Variants in CNTN6 observed in about 807,000 individuals in gnomAD.
CNTN6 encodes the protein contactin-6.
In CNTN6, 137 loss-of-function variants were observed where a neutral mutation model predicts 122.8. That is an observed-to-expected ratio of 1.12 (90% CI 0.97 to 1.29). The LOEUF is 1.29. Ranked by LOEUF, CNTN6 falls within the 50% of genes most tolerant of loss-of-function variation. CNTN6 has a pLI of 0.00. For missense variants in CNTN6, 1,634 were observed against 1,223.4 expected, an observed-to-expected ratio of 1.34 and a Z score of -5.01; for synonymous variants, 570 against 426.0, an observed-to-expected ratio of 1.34 and a Z score of -4.16.
chr3:1,286,261 A>G (rs924020448), intron 5 of CNTN6, among the ~76,000 whole-genome samples: 1 of 152,120 alleles, frequency 6.6e-6, no homozygotes, highest in Non-Finnish European at 1.5e-5. Flanking sequence ...GGTTTGTTAC[A>G]TAGGTGTACA....
At position 1,373,967 on chromosome 3, in the gene CNTN6, T is replaced by C; in HGVS notation, c.1989T>C (p.Val663=). 1 of 1,613,200 alleles carries C rather than the reference T, an allele frequency of 6.2e-7. No homozygotes were observed. The highest frequency in any genetic ancestry group is 8.5e-7 in the Non-Finnish European group (1 of 1,179,376). Residue 663 remains valine (V), a synonymous_variant, in exon 16 of 23, where the codon GTT becomes GTC. Transcript: ENST00000446702. ...LNGKTYNATV[V]GLSPWVEYEF... is the part of the protein sequence containing the mutation. ...GTAAGACATACAATGCAACAGTGGT[T>C]GGTTTGAGTCCTTGGGTGGAATATG...
rs1709445682 is a variant in CNTN6 at position 1,373,719 on chromosome 3, G to A, written c.1902G>A (p.Gln634=). 1 of 1,611,676 alleles carries A rather than the reference G, an allele frequency of 6.2e-7. No individual in the cohort carries two copies. Among genetic ancestry groups the A allele is most frequent in the South Asian group, 1.1e-5 (1 of 90,726 alleles). ...NNSPIQIFTI[Q]TRTPFSVGWQ... ...GTCCCATTCAAATATTTACTATTCA[G>A]ACTCGGACACCATTTTCTGTGGGTT... The change falls in exon 15 of 23, where the codon CAG becomes CAA. Residue 634 remains glutamine, a synonymous_variant. Transcript: ENST00000446702.
intron 1 of CNTN6, among the ~76,000 whole-genome samples, chr3:1,105,980 A>G (rs1222515073): frequency 6.6e-6 from 1 of 152,146 alleles, no homozygotes; most frequent in Non-Finnish European, 1.5e-5. Context: ...GCCCTTGGTA[A>G]CCATGATAAT....
At chr3:1,326,013 A>G in intron 9 of CNTN6, 62 bp downstream of exon 9, 22 of 1,441,466 alleles carry the variant, frequency 1.5e-5, no homozygotes, top group Non-Finnish European at 2.1e-5. Flanking sequence ...TGTTACTAAC[A>G]GTACTAGTAA....
chr3:1,286,337 T>C (rs960422112), intron 5 of CNTN6, among the ~76,000 whole-genome samples: 3 of 152,142 alleles, frequency 2.0e-5, no homozygotes, highest in Non-Finnish European at 4.4e-5. Flanking sequence ...CCTAATGCTA[T>C]CCCTCCCTTA....
At chr3:1,311,278 C>A (rs1255205322) in intron 7 of CNTN6, among the ~76,000 whole-genome samples, 1 of 141,684 alleles carries the variant, frequency 7.1e-6, no homozygotes, top group South Asian at 2.2e-4. Flanking sequence ...TATATACATA[C>A]ATATTTATAT....
intron 2 of CNTN6, among the ~76,000 whole-genome samples, chr3:1,175,456 C>G (rs561439508): frequency 1.3e-5 from 2 of 152,182 alleles, no homozygotes; most frequent in African/African-American, 4.8e-5. Flanking sequence ...CTACTCAAGG[C>G]TAACAGCAGG....
intron 12 of CNTN6, among the ~76,000 whole-genome samples, chr3:1,366,636 T>C (rs1436942339): frequency 2.4e-4 from 37 of 152,158 alleles, no homozygotes; most frequent in Non-Finnish European, 2.9e-5. Flanking sequence ...CCTGCAAGTG[T>C]GATTTTTGTC....
intron 5 of CNTN6, among the ~76,000 whole-genome samples, chr3:1,281,437 A>G (rs1377262257): frequency 2.0e-5 from 3 of 151,478 alleles, no homozygotes; most frequent in Admixed American, 2.0e-4. Flanking sequence ...CACAGACTCC[A>G]CAGAGATAGA....
intron 20 of CNTN6, among the ~76,000 whole-genome samples, chr3:1,391,663 C>G (rs1436446787): frequency 4.0e-5 from 6 of 151,264 alleles, no homozygotes; most frequent in African/African-American, 1.2e-4. Context: ...ACCCCATTGT[C>G]TCAGCCCAAA....
chr3:1,134,688 T>C (rs2092427512), intron 1 of CNTN6, among the ~76,000 whole-genome samples: 1 of 141,102 alleles, frequency 7.1e-6, no homozygotes, highest in African/African-American at 3.0e-5. Context: ...TTTTTTGTTT[T>C]TTGTTTTGTT....
intron 2 of CNTN6, among the ~76,000 whole-genome samples, chr3:1,171,836 G>T (rs1394322688): frequency 6.6e-6 from 1 of 152,020 alleles, no homozygotes; most frequent in Non-Finnish European, 1.5e-5. Context: ...TGAACTCCTG[G>T]GTTCAAGCCA....
chr3:1,094,476 A>T (rs1417431476), intron 1 of CNTN6, among the ~76,000 whole-genome samples: 1 of 152,204 alleles, frequency 6.6e-6, no homozygotes, highest in African/African-American at 2.4e-5. Flanking sequence ...GGAAACTTTT[A>T]TATAAAGCTT....
chr3:1,148,324 T>C (rs2092766440), intron 2 of CNTN6, among the ~76,000 whole-genome samples: 1 of 151,902 alleles, frequency 6.6e-6, no homozygotes, highest in Non-Finnish European at 1.5e-5. Flanking sequence ...TGTAATTATG[T>C]AATATTTAAT....
intron 5 of CNTN6, 43 bp from the exon 6 acceptor site, chr3:1,295,558 C>T (rs763081404): frequency 3.4e-5 from 51 of 1,503,920 alleles, no homozygotes; most frequent in Non-Finnish European, 4.4e-5. Flanking sequence ...GCAGTAAGGA[C>T]AGTATGGTTT....
At chr3:1,233,417 T>C (rs2094377666) in intron 4 of CNTN6, among the ~76,000 whole-genome samples, 1 of 130,680 alleles carries the variant, frequency 7.7e-6, no homozygotes, top group African/African-American at 2.7e-5. Flanking sequence ...CTGAATAATG[T>C]TAAGGATGTT....
At chr3:1,208,078 C>T (rs541931646) in intron 2 of CNTN6, among the ~76,000 whole-genome samples, 2 of 152,244 alleles carry the variant, frequency 1.3e-5, no homozygotes, top group African/African-American at 4.8e-5. Flanking sequence ...GCCCAATTAT[C>T]TCAGTGGTTT....
intron 4 of CNTN6, among the ~76,000 whole-genome samples, chr3:1,263,766 T>A (rs1357012059): frequency 6.6e-6 from 1 of 152,010 alleles, no homozygotes; most frequent in Non-Finnish European, 1.5e-5. Context: ...GTGAAGCTTA[T>A]GGTCTATTTA....
intron 4 of CNTN6, among the ~76,000 whole-genome samples, chr3:1,239,428 A>G (rs1575367841): frequency 6.6e-6 from 1 of 151,672 alleles, no homozygotes; most frequent in Admixed American, 6.6e-5. Flanking sequence ...AATATCTGCA[A>G]AAACAAACAA....
Sources: gnomAD v4.1 joint callset for allele counts (sites outside exome capture counted in the v4.1 genomes callset) on GRCh38, gnomAD v4.1.1 for gene constraint, MANE v1.5 for transcripts, NCBI Gene and HGNC (gene_info 2026-07-23, HGNC 2026-07-21) for gene names.